BRIP1: variants seen among roughly 807,000 people sequenced by gnomAD.
BRIP1 encodes the protein Fanconi anemia group J protein.
Under a neutral mutation model 119.7 loss-of-function variants are expected in BRIP1, and 88 were observed. The observed-to-expected ratio is 0.74, with a 90% CI of 0.62 to 0.88. BRIP1 has a LOEUF of 0.88. Ranked by LOEUF, BRIP1 falls within the 40% of genes least tolerant of loss-of-function variation. The pLI is 0.00. For synonymous variants in BRIP1, 443 were observed against 496.5 expected (o/e 0.89, Z 1.43); for missense variants, 1,259 against 1,455.4 (o/e 0.87, Z 2.20).
chr17:61,859,790 A>T lies in BRIP1; in HGVS notation c.205+6T>A, dbSNP rs1555618360. On this transcript the variant is annotated splice_donor_region_variant and intron_variant, in intron 3 of 19. Transcript: ENST00000259008. ...AGTAACCTGAAGATATCAAGCAACT[A>T]CTTACCACTAAGAGATTGTTGCCAT... The T allele has an allele frequency of 1.3e-6, 2 of 1,589,900 alleles. No individual in the cohort carries two copies. The highest frequency in any genetic ancestry group is 2.2e-5 in the South Asian group (2 of 90,558).
At position 61,804,734 on chromosome 17, in the gene BRIP1, A is replaced by G. The variant is rs540463736; in HGVS notation, c.919-3260T>C. On this transcript the variant is annotated intron_variant, in intron 7 of 19. Coordinates refer to ENST00000259008, the MANE Select transcript of BRIP1 (RefSeq NM_032043.3). The surrounding 1 kb of genome is among the most constrained non-coding windows in gnomAD (Gnocchi z 4.5). The stretch of plus-strand genomic sequence containing the variant: ...ATTTCCCCATATATATATATTCAAA[A>G]TATTTTTGTCTAATAATTATTAAAA... 7.2e-5 allele frequency among the ~76,000 whole-genome samples: 11 copies of G among 151,868 alleles called. No homozygotes were observed. In the South Asian group the frequency reaches 2.1e-3, roughly 29 times the overall value.
rs1308804675 is a variant in BRIP1, at chr17:61,778,694, G to C, written c.1935+1567C>G. On this transcript the variant is annotated intron_variant, in intron 13 of 19. Coordinates refer to ENST00000259008, the MANE Select transcript of BRIP1 (RefSeq NM_032043.3). This position sits in a 1 kb window ranked among gnomAD's most constrained non-coding sequence, Gnocchi z 4.4. The stretch of plus-strand genomic sequence containing the variant: ...TTACCAACTTCCCATATTTATCTGT[G>C]TCTCTAAAGAAAGCAACTTGAAAAC... 6.6e-6 allele frequency among the ~76,000 whole-genome samples: 1 copy of C among 152,120 alleles called. No homozygotes were observed. Among genetic ancestry groups the C allele is most frequent in the Non-Finnish European group, 1.5e-5 (1 of 68,018 alleles).
In BRIP1 at chr17:61,810,875, G is replaced by C. The variant is rs998153115; in HGVS notation, c.628-2118C>G. ...AAATAGAAAGGGATGCTATTATACA[G>C]TTTTACAACTAGATACTTTGTTTTC... On this transcript the variant is annotated intron_variant, in intron 6 of 19. Transcript: ENST00000259008. This position sits in a 1 kb window ranked among gnomAD's most constrained non-coding sequence, Gnocchi z 4.7. Among the ~76,000 whole-genome samples the C allele has an allele frequency of 2.0e-5, 3 of 151,880 alleles. No homozygotes were observed. The highest frequency in any genetic ancestry group is 4.4e-5 in the Non-Finnish European group (3 of 67,962).
At chr17:61,733,535 T>C (rs2076878531) in intron 16 of BRIP1, among the ~76,000 whole-genome samples, 1 of 152,184 alleles carries the variant, frequency 6.6e-6, no homozygotes, top group Non-Finnish European at 1.5e-5. Flanking sequence ...ATCAATTTTT[T>C]TGTGTGTGTT....
At position 61,725,261 on chromosome 17, in the gene BRIP1, G is replaced by T. The variant is rs544365241; in HGVS notation, c.2380-9198C>A. 2.6e-5 allele frequency among the ~76,000 whole-genome samples: 4 copies of T among 152,200 alleles called. No homozygotes were observed. Among genetic ancestry groups the T allele is most frequent in the Non-Finnish European group, 5.9e-5 (4 of 68,000 alleles). Reference sequence around the variant, plus strand: ...AAAAGCACATTAGAAATGGTTTTTAGTTGTTACTTACTTTCCCTGTTACGT... The same window carrying T: ...AAAAGCACATTAGAAATGGTTTTTATTTGTTACTTACTTTCCCTGTTACGT... On this transcript the variant is annotated intron_variant, in intron 16 of 19. Coordinates refer to ENST00000259008, the MANE Select transcript of BRIP1 (RefSeq NM_032043.3). The surrounding 1 kb of genome is among the most constrained non-coding windows in gnomAD (Gnocchi z 5.3).
rs76889595 is a variant in BRIP1, at chr17:61,681,055, A to G, written c.*2241T>C. Among the ~76,000 whole-genome samples, 10,316 of 152,130 alleles carry G rather than the reference A, an allele frequency of 0.068. 550 individuals carry two copies. Among genetic ancestry groups the G allele is most frequent in the South Asian group, 0.26 (1,242 of 4,806 alleles). Reference sequence around the variant, plus strand: ...GAGAAGAATGAGAGTGAAGCAGGGAAAAGCTCCTTATAAAATCATCAGGTC... The same window carrying G: ...GAGAAGAATGAGAGTGAAGCAGGGAGAAGCTCCTTATAAAATCATCAGGTC... On this transcript the variant is annotated 3_prime_UTR_variant, in exon 20 of 20. Transcript: ENST00000259008. This position sits in a 1 kb window ranked among gnomAD's most constrained non-coding sequence, Gnocchi z 5.1.
chr17:61,702,024 A>T (rs2144265743), intron 17 of BRIP1, among the ~76,000 whole-genome samples: 1 of 152,352 alleles, frequency 6.6e-6, no homozygotes, highest in Admixed American at 6.5e-5. Flanking sequence ...TTCTTACTGC[A>T]ATTCAGCTAT....
rs1273891627 is a variant in BRIP1 at position 61,738,644 on chromosome 17, T to A, written c.2379+4369A>T. Reference sequence around the variant, plus strand: ...AAAAAAAGCATTAAGAACCCCAGATTGGTATAATAACAATGTTCAAAATCA... The same window carrying A: ...AAAAAAAGCATTAAGAACCCCAGATAGGTATAATAACAATGTTCAAAATCA... On this transcript the variant is annotated intron_variant, in intron 16 of 19. Transcript: ENST00000259008. This position sits in a 1 kb window ranked among gnomAD's most constrained non-coding sequence, Gnocchi z 4.2. 6.6e-6 allele frequency among the ~76,000 whole-genome samples: 1 copy of A among 152,106 alleles called. No homozygotes were observed. The highest frequency in any genetic ancestry group is 1.5e-5 in the Non-Finnish European group (1 of 68,022).
Position 61,745,087 on chromosome 17 carries a change from CT to C in BRIP1, c.2098-497del, listed in dbSNP as rs2077042213. Among the ~76,000 whole-genome samples the C allele has an allele frequency of 1.3e-5, 2 of 152,036 alleles. No homozygotes were observed. The highest frequency in any genetic ancestry group is 4.8e-5 in the African/African-American group (2 of 41,396). On this transcript the variant is annotated intron_variant, in intron 14 of 19. Coordinates refer to ENST00000259008, the MANE Select transcript of BRIP1 (RefSeq NM_032043.3). The surrounding 1 kb of genome is among the most constrained non-coding windows in gnomAD (Gnocchi z 4.4). ...ATGAAGATGATTTAAGATCATTTTACTAAGTGTATAGGCAGATAAGCTCATT... is the reference window on the plus strand; with the variant it reads ...ATGAAGATGATTTAAGATCATTTTACAAGTGTATAGGCAGATAAGCTCATT...
chr17:61,826,893 C>T (rs1288368522), intron 6 of BRIP1, among the ~76,000 whole-genome samples: 1 of 152,066 alleles, frequency 6.6e-6, no homozygotes, highest in South Asian at 2.1e-4. Flanking sequence ...AACAGAAACA[C>T]CATTTGACCC....
chr17:61,693,206 CA>C lies in BRIP1; in HGVS notation c.2575+223del, dbSNP rs1309024961. Among the ~76,000 whole-genome samples the C allele has an allele frequency of 5.9e-5, 9 of 151,988 alleles. No individual in the cohort carries two copies. The highest frequency in any genetic ancestry group is 9.7e-5 in the African/African-American group (4 of 41,372). Reference sequence around the variant, plus strand: ...AAGTATAGCGGTGGTTGTCAGTGGACAGGGGGGAGAGGGACATGGGGCATTG... The same window carrying C: ...AAGTATAGCGGTGGTTGTCAGTGGACGGGGGGAGAGGGACATGGGGCATTG... On this transcript the variant is annotated intron_variant, in intron 18 of 19. Coordinates refer to ENST00000259008, the MANE Select transcript of BRIP1 (RefSeq NM_032043.3). The surrounding 1 kb of genome is among the most constrained non-coding windows in gnomAD (Gnocchi z 4.2).
Position 61,784,387 on chromosome 17 carries a change from A to AT in BRIP1, c.1510dup (p.Ile504AsnfsTer7), listed in dbSNP as rs775735278. On this transcript the variant is annotated frameshift_variant, in exon 11 of 20. Transcript: ENST00000259008. LOFTEE classifies it high-confidence loss of function. ...CTCCTCTTTACCATAAATTGGTGAG[A>AT]TTTTTTCCTCTTTTTGAAGAACAGC... The AT allele has an allele frequency of 5.6e-6, 9 of 1,613,414 alleles. No homozygotes were observed. The highest frequency in any genetic ancestry group is 6.8e-6 in the Non-Finnish European group (8 of 1,179,552).
At chr17:61,790,343 G>A (rs541748191) in intron 10 of BRIP1, among the ~76,000 whole-genome samples, 3 of 152,040 alleles carry the variant, frequency 2.0e-5, no homozygotes, top group South Asian at 2.1e-4. Context: ...TCAGGAGTTC[G>A]AGGCCAGCCT....
intron 2 of BRIP1, 70 bp from the exon 3 acceptor site, chr17:61,859,977 T>G (rs2078952969): frequency 9.2e-7 from 1 of 1,092,040 alleles, no homozygotes; most frequent in South Asian, 1.3e-5. Flanking sequence ...CATCTGAAGT[T>G]TAAATAGAAC....
rs2077671171 is a variant in BRIP1 at position 61,784,381 on chromosome 17, G to A, written c.1517C>T (p.Pro506Leu). 1 of 1,613,162 alleles carries A rather than the reference G, an allele frequency of 6.2e-7. No homozygotes were observed. Among genetic ancestry groups the A allele is most frequent in the African/African-American group, 1.3e-5 (1 of 74,914 alleles). The part of the protein sequence containing the change: ...AVLQKEEKIS[P>L]IYGKEEAREV... ...TCTTGCCTCCTCTTTACCATAAATT[G>A]GTGAGATTTTTTCCTCTTTTTGAAG... The change falls in exon 11 of 20, where the codon CCA becomes CTA. Residue 506 changes from proline (P) to leucine (L), a missense_variant. Pro to Leu is a moderately conservative substitution (Grantham distance 98). Coordinates refer to ENST00000259008, the MANE Select transcript of BRIP1 (RefSeq NM_032043.3).
chr17:61,794,419 T>A lies in BRIP1; in HGVS notation c.1341-690A>T, dbSNP rs1357294591. Among the ~76,000 whole-genome samples, 1 of 152,038 alleles carries A rather than the reference T, an allele frequency of 6.6e-6. No individual in the cohort carries two copies. The highest frequency in any genetic ancestry group is 1.5e-5 in the Non-Finnish European group (1 of 67,996). Reference sequence around the variant, plus strand: ...AACATAGATGGAGCTGGAGATCATATCCTTAGCAAACTAATGCAGGAACAG... The same window carrying A: ...AACATAGATGGAGCTGGAGATCATAACCTTAGCAAACTAATGCAGGAACAG... On this transcript the variant is annotated intron_variant, in intron 9 of 19. Transcript: ENST00000259008. This position sits in a 1 kb window ranked among gnomAD's most constrained non-coding sequence, Gnocchi z 4.3.
Position 61,853,312 on chromosome 17 carries a change from T to C in BRIP1, c.379+3746A>G, listed in dbSNP as rs2078848617. On this transcript the variant is annotated intron_variant, in intron 4 of 19. Transcript: ENST00000259008. This position sits in a 1 kb window ranked among gnomAD's most constrained non-coding sequence, Gnocchi z 4.3. ...ATCAATGGTCACAGGAGGACAAGAA[T>C]TACCTATGGAAAGAAGGGACAGTGA... Among the ~76,000 whole-genome samples, 2 of 151,422 alleles carry C rather than the reference T, an allele frequency of 1.3e-5. No individual in the cohort carries two copies. Among genetic ancestry groups the C allele is most frequent in the Non-Finnish European group, 2.9e-5 (2 of 67,862 alleles).
chr17:61,727,491 G>A (rs1348930983), intron 16 of BRIP1, among the ~76,000 whole-genome samples: 1 of 152,116 alleles, frequency 6.6e-6, no homozygotes, highest in East Asian at 1.9e-4. Flanking sequence ...TCAGGGCCAG[G>A]TGTGGTGGCT....
rs547266900 is a variant in BRIP1 at position 61,859,705 on chromosome 17, C to A, written c.205+91G>T. 1.9e-4 allele frequency: 160 copies of A among 836,810 alleles called. 1 individual carries two copies. The African/African-American group carries it at 2.3e-3, about 12-fold the overall frequency. 51.8% of individuals were successfully genotyped at this position (836,810 alleles called of 1,614,324 possible). A position where few individuals can be genotyped will look rare whatever the true frequency, so the allele number is the denominator to read the frequency against. ...TTTAAACAAATATTTAAGTTAGCGA[C>A]AGCATGGCTGAACCAGTCTGGATAA... On this transcript the variant is annotated intron_variant, in intron 3 of 19. Coordinates refer to ENST00000259008, the MANE Select transcript of BRIP1 (RefSeq NM_032043.3).
Sources: allele counts gnomAD v4.1 joint callset (sites outside exome capture counted in the v4.1 genomes callset), GRCh38; gene constraint gnomAD v4.1.1; non-coding constraint Gnocchi (gnomAD v3.1); transcripts MANE v1.5; gene names NCBI Gene and HGNC (gene_info 2026-07-23, HGNC 2026-07-21).